The following SPAG7 variants were observed in gnomAD, a reference collection of about 807,000 sequenced individuals.
SPAG7 encodes the protein sperm-associated antigen 7.
In SPAG7, 20 loss-of-function variants were observed where a neutral mutation model predicts 30.6. The observed-to-expected ratio is 0.65, with a 90% CI of 0.46 to 0.95. SPAG7 has a LOEUF of 0.95. Ranked by LOEUF, SPAG7 falls within the 40% of genes least tolerant of loss-of-function variation. The pLI, the probability that SPAG7 is intolerant of heterozygous loss-of-function variation, is 0.00. For synonymous variants in SPAG7, 127 were observed against 104.2 expected, an observed-to-expected ratio of 1.22 and a Z score of -1.33; for missense variants, 276 against 291.1, an observed-to-expected ratio of 0.95 and a Z score of 0.38.
At chr17:4,962,791 G>T (rs1004472746) in intron 1 of SPAG7, among the ~76,000 whole-genome samples, 1 of 151,460 alleles carries the variant, frequency 6.6e-6, no homozygotes, top group Non-Finnish European at 1.5e-5. Context: ...CTCGTGATCC[G>T]CCCGCCTCAG....
rs1306098583 is a variant in SPAG7 at position 4,959,479 on chromosome 17, GTC to G, written c.*53_*54del. 4.2e-6 allele frequency: 6 copies of G among 1,428,778 alleles called. No individual in the cohort carries two copies. In the East Asian group the frequency reaches 1.4e-4, roughly 33 times the overall value. 88.5% of individuals were successfully genotyped at this position (1,428,778 alleles called of 1,614,324 possible). A position where few individuals can be genotyped will look rare whatever the true frequency, so the allele number is the denominator to read the frequency against. On this transcript the variant is annotated 3_prime_UTR_variant, in exon 7 of 7. Transcript: ENST00000206020. Reference sequence around the variant, plus strand: ...GATGGGCTCTAATAGCAGCAGCCTTGTCTCTCCCTGCCCCCTGCCCTGCCCCA... The same window carrying G: ...GATGGGCTCTAATAGCAGCAGCCTTGTCTCCCTGCCCCCTGCCCTGCCCCA...
intron 1 of SPAG7, chr17:4,966,635 G>A (rs1051873112): frequency 5.5e-5 from 54 of 985,256 alleles, no homozygotes; most frequent in Non-Finnish European, 5.8e-5. Flanking sequence ...GCAGATTGGG[G>A]GAGAACCTCA....
chr17:4,959,489 G>C lies in SPAG7; in HGVS notation c.*45C>G. ...AATAGCAGCAGCCTTGTCTCTCCCTGCCCCCTGCCCTGCCCCAGGGGTCAA... is the reference window on the plus strand; with the variant it reads ...AATAGCAGCAGCCTTGTCTCTCCCTCCCCCCTGCCCTGCCCCAGGGGTCAA... On this transcript the variant is annotated 3_prime_UTR_variant, in exon 7 of 7. Coordinates refer to ENST00000206020, the MANE Select transcript of SPAG7 (RefSeq NM_004890.3). The C allele has an allele frequency of 2.0e-6, 3 of 1,501,380 alleles. No homozygotes were observed. In the Admixed American group the frequency reaches 5.0e-5, roughly 25 times the overall value. The allele number at this position is 1,501,380 out of a possible 1,614,324, so 93.0% of individuals were successfully genotyped here. A position where few individuals can be genotyped will look rare whatever the true frequency, so the allele number is the denominator to read the frequency against.
chr17:4,961,449 T>G (rs1035573638), intron 1 of SPAG7, among the ~76,000 whole-genome samples: 40 of 135,516 alleles, frequency 3.0e-4, no homozygotes, highest in African/African-American at 1.1e-3. Context: ...AAGAGTGAAC[T>G]CCGTCTCAAA....
chr17:4,960,955 G>T (rs1481989880), intron 1 of SPAG7, 102 bp from the exon 2 acceptor site: 7 of 990,566 alleles, frequency 7.1e-6, no homozygotes, highest in Non-Finnish European at 1.1e-5. Flanking sequence ...GAGGTGTCAG[G>T]CTGGGAAGGT....
intron 4 of SPAG7, 46 bp from the exon 5 acceptor site, chr17:4,960,157 C>A (rs1434638970): frequency 6.2e-7 from 1 of 1,604,312 alleles, no homozygotes; most frequent in Non-Finnish European, 8.5e-7. Flanking sequence ...ACAAATGTTT[C>A]ATTTCATTCC....
intron 1 of SPAG7, among the ~76,000 whole-genome samples, chr17:4,961,227 C>G (rs1050268498): frequency 2.0e-5 from 3 of 150,182 alleles, no homozygotes; most frequent in Non-Finnish European, 4.4e-5. Flanking sequence ...GAGGCCGAGG[C>G]AGACAGATCT....
At chr17:4,967,645 G>A (rs1299382008) in intron 1 of SPAG7, 75 bp downstream of exon 1, 3 of 1,141,232 alleles carry the variant, frequency 2.6e-6, no homozygotes, top group Non-Finnish European at 2.6e-6. Flanking sequence ...TGAGGAGGCG[G>A]CATCGTCCAA....
intron 1 of SPAG7, chr17:4,967,093 G>A (rs1428212012): frequency 3.0e-6 from 3 of 985,528 alleles, no homozygotes; most frequent in South Asian, 4.6e-5. Context: ...AATCGGACCC[G>A]GCGGGTATTC....
chr17:4,965,527 T>G lies in SPAG7; in HGVS notation c.85+2193A>C, dbSNP rs967379410. Among the ~76,000 whole-genome samples the G allele has an allele frequency of 3.9e-5, 6 of 152,136 alleles. No individual in the cohort carries two copies. In the South Asian group the frequency reaches 1.0e-3, roughly 26 times the overall value. ...AACGTATCATAACTTCTTTTTTTTT[T>G]GTCTCCTTCAGCATAGTATGAGCTC... On this transcript the variant is annotated intron_variant, in intron 1 of 6. Transcript: ENST00000206020.
chr17:4,967,636 G>A (rs1251252218), intron 1 of SPAG7, 84 bp downstream of exon 1: 69 of 1,063,364 alleles, frequency 6.5e-5, no homozygotes, highest in Non-Finnish European at 9.2e-5. Flanking sequence ...TTTCAAGGTT[G>A]AGGAGGCGGC....
At chr17:4,967,677 A>G in intron 1 of SPAG7, 43 bp downstream of exon 1, 14 of 1,478,206 alleles carry the variant, frequency 9.5e-6, no homozygotes, top group Non-Finnish European at 1.3e-5. Flanking sequence ...TATGGTCCCG[A>G]GAACCGGGCG....
intron 1 of SPAG7, chr17:4,967,003 G>A (rs1247681238): frequency 1.0e-6 from 1 of 985,676 alleles, no homozygotes; most frequent in Non-Finnish European, 1.2e-6. Flanking sequence ...CGCCCTGCAG[G>A]GCCGCGCCCT....
chr17:4,963,486 T>A (rs2151148325), intron 1 of SPAG7, among the ~76,000 whole-genome samples: 1 of 131,624 alleles, frequency 7.6e-6, no homozygotes, highest in East Asian at 2.5e-4. Flanking sequence ...TGAGATGGAA[T>A]CTCGCTTTGT....
intron 2 of SPAG7, 113 bp downstream of exon 2, chr17:4,960,673 C>A: frequency 7.3e-7 from 1 of 1,366,092 alleles, no homozygotes; most frequent in Non-Finnish European, 1.0e-6. Context: ...CACTGGCTTC[C>A]ATGCGTCACC....
At chr17:4,967,082 C>A (rs1481228485) in intron 1 of SPAG7, 1 of 985,566 alleles carries the variant, frequency 1.0e-6, no homozygotes, top group Non-Finnish European at 1.2e-6. Flanking sequence ...AGACAGTGGC[C>A]AATCGGACCC....
At chr17:4,967,643 C>A in intron 1 of SPAG7, 77 bp downstream of exon 1, 1 of 1,119,596 alleles carries the variant, frequency 8.9e-7, no homozygotes. Flanking sequence ...GTTGAGGAGG[C>A]GGCATCGTCC....
chr17:4,965,019 C>A (rs1043419913), intron 1 of SPAG7, among the ~76,000 whole-genome samples: 2 of 152,208 alleles, frequency 1.3e-5, no homozygotes, highest in African/African-American at 2.4e-5. Flanking sequence ...AAGTGATTCT[C>A]CTGCCTCAGC....
At chr17:4,967,216 A>C (rs1971973354) in intron 1 of SPAG7, 4 of 990,830 alleles carry the variant, frequency 4.0e-6, no homozygotes, top group Middle Eastern at 5.2e-4. Flanking sequence ...ATTAAGCAGG[A>C]GGGGCAAGAA....
Sources: gnomAD v4.1 joint callset for allele counts (sites outside exome capture counted in the v4.1 genomes callset) on GRCh38, gnomAD v4.1.1 for gene constraint, MANE v1.5 for transcripts, NCBI Gene and HGNC (gene_info 2026-07-23, HGNC 2026-07-21) for gene names.